The following CXXC5 variants were observed in gnomAD, a reference collection of about 807,000 sequenced individuals.
The protein encoded by CXXC5 is CXXC-type zinc finger protein 5.
A neutral mutation model predicts 17.6 loss-of-function variants in CXXC5; 2 were observed. The observed-to-expected ratio is 0.11, with a 90% confidence interval of 0.05 to 0.36. CXXC5 has a LOEUF of 0.36. Ranked by LOEUF, CXXC5 falls within the 10% of genes least tolerant of loss-of-function variation. CXXC5 has a pLI of 1.00. For missense variants in CXXC5, 343 were observed against 458.3 expected (o/e 0.75, Z 2.30); for synonymous variants, 171 against 193.0 (o/e 0.89, Z 0.94).
intron 1 of CXXC5, among the ~76,000 whole-genome samples, chr5:139,650,779 C>T (rs1396997348): frequency 6.6e-6 from 1 of 152,316 alleles, no homozygotes; most frequent in South Asian, 2.1e-4. Context: ...CCGAAGCCCC[C>T]TCTAAACCCC....
At chr5:139,682,797 T>C in intron 2 of CXXC5, 66 bp from the exon 3 acceptor site, 1 of 1,488,898 alleles carries the variant, frequency 6.7e-7, no homozygotes, top group Non-Finnish European at 9.1e-7. Flanking sequence ...GGGGAACGTC[T>C]TTGCTCCAGG....
chr5:139,657,456 G>A (rs1018300911), intron 1 of CXXC5, among the ~76,000 whole-genome samples: 1 of 152,232 alleles, frequency 6.6e-6, no homozygotes, highest in African/African-American at 2.4e-5. Flanking sequence ...AGGCTAGTTG[G>A]GCAGACAAAA....
intron 1 of CXXC5, among the ~76,000 whole-genome samples, chr5:139,671,362 G>T (rs1756458088): frequency 6.6e-6 from 1 of 152,180 alleles, no homozygotes; most frequent in Non-Finnish European, 1.5e-5. Flanking sequence ...AGGCCCCCAG[G>T]GTCTCTAGAG....
chr5:139,675,463 C>A (rs1319660102), intron 1 of CXXC5: 1 of 152,172 alleles, frequency 6.6e-6, no homozygotes, highest in Non-Finnish European at 1.5e-5. Context: ...CTGGGCATCT[C>A]CAAGTGCCCC....
chr5:139,680,493 T>G lies in CXXC5; in HGVS notation c.-31T>G. ...GACCCTCGGCAGTTGGCAGGCTCCCTCTGCAGTGGGGTCTGGGCCTCGGCC... is the reference window on the plus strand; with the variant it reads ...GACCCTCGGCAGTTGGCAGGCTCCCGCTGCAGTGGGGTCTGGGCCTCGGCC... On this transcript the variant is annotated 5_prime_UTR_variant, in exon 2 of 3. Transcript: ENST00000302517. 6.5e-7 allele frequency: 1 copy of G among 1,533,366 alleles called. No homozygotes were observed. The highest frequency in any genetic ancestry group is 8.8e-7 in the Non-Finnish European group (1 of 1,142,034). The allele number at this position is 1,533,366 out of a possible 1,614,324, so 95.0% of individuals were successfully genotyped here.
At chr5:139,677,276 C>G (rs969503894) in intron 1 of CXXC5, among the ~76,000 whole-genome samples, 2 of 152,086 alleles carry the variant, frequency 1.3e-5, no homozygotes, top group Non-Finnish European at 2.9e-5. Context: ...TCAACGCAGC[C>G]CTGACTCCTC....
rs1289123318 is a variant in CXXC5, at chr5:139,683,160, A to T, written c.*253A>T. ...GAACAACAACAAAAAAGAGGTAAAG[A>T]CGAATCTATAAAGTACCGAGACTTC... On this transcript the variant is annotated 3_prime_UTR_variant, in exon 3 of 3. Transcript: ENST00000302517. 2 of 359,336 alleles carry T rather than the reference A, an allele frequency of 5.6e-6. No individual in the cohort carries two copies. Among genetic ancestry groups the T allele is most frequent in the African/African-American group, 4.2e-5 (2 of 47,638 alleles). 22.3% of individuals were successfully genotyped at this position (359,336 alleles called of 1,614,324 possible). A position where few individuals can be genotyped will look rare whatever the true frequency, so the allele number is the denominator to read the frequency against.
Position 139,648,394 on chromosome 5 carries a change from C to T in CXXC5, c.-612C>T. The T allele has an allele frequency of 6.3e-6, 1 of 157,638 alleles. No homozygotes were observed. Among genetic ancestry groups the T allele is most frequent in the Non-Finnish European group, 1.4e-5 (1 of 72,024 alleles). The allele number at this position is 157,638 out of a possible 1,614,324, so 9.8% of individuals were successfully genotyped here. ...AGCCTGAGCGGGGATGTAGAGGCGG[C>T]GGCAGCAGAGGCGGCACTGGCGGCA... is the stretch of plus-strand genomic sequence containing the variant. On this transcript the variant is annotated 5_prime_UTR_variant, in exon 1 of 3. Transcript: ENST00000302517.
chr5:139,654,129 C>T (rs576198090), intron 1 of CXXC5, among the ~76,000 whole-genome samples: 2 of 152,286 alleles, frequency 1.3e-5, no homozygotes, highest in South Asian at 4.1e-4. Flanking sequence ...AGGCTCTGCC[C>T]CTCTCCCATC....
intron 1 of CXXC5, among the ~76,000 whole-genome samples, chr5:139,659,812 G>T (rs571317736): frequency 6.6e-6 from 1 of 152,242 alleles, no homozygotes; most frequent in African/African-American, 2.4e-5. Flanking sequence ...ATTGAGGCTG[G>T]TCCCTCCTGC....
Position 139,681,402 on chromosome 5 carries a change from C to A in CXXC5, c.879C>A (p.Phe293Leu). Residue 293 changes from phenylalanine (F) to leucine (L), a missense_variant, in exon 2 of 3, where the codon TTC (phenylalanine) becomes TTA (leucine). Coordinates refer to ENST00000302517, the MANE Select transcript of CXXC5 (RefSeq NM_016463.9). ...NRKTGHQICK[F>L]RKCEELKKKP... ...AGACTGGCCATCAGATTTGCAAATT[C>A]AGAAAATGTGAGGAACTCAAAAAGA... 5.7e-6 allele frequency: 9 copies of A among 1,588,484 alleles called. No homozygotes were observed. The highest frequency in any genetic ancestry group is 7.7e-6 in the Non-Finnish European group (9 of 1,164,382).
intron 1 of CXXC5, among the ~76,000 whole-genome samples, chr5:139,667,254 C>T (rs764718828): frequency 3.3e-5 from 5 of 152,196 alleles, no homozygotes; most frequent in African/African-American, 1.2e-4. Context: ...TTCCTCCTCC[C>T]ACCTCACCTC....
chr5:139,669,191 AGG>A (rs1208872531), intron 1 of CXXC5, among the ~76,000 whole-genome samples: 1 of 152,120 alleles, frequency 6.6e-6, no homozygotes, highest in Non-Finnish European at 1.5e-5. Context: ...AAGCAGTGGG[AGG>A]GGGAGCGCCA....
chr5:139,662,185 C>T (rs2126767910), intron 1 of CXXC5, among the ~76,000 whole-genome samples: 1 of 152,298 alleles, frequency 6.6e-6, no homozygotes, highest in African/African-American at 2.4e-5. Flanking sequence ...ACCTGCTTCT[C>T]CCTGTCCCCT....
intron 1 of CXXC5, among the ~76,000 whole-genome samples, chr5:139,654,840 CAG>C (rs1755400866): frequency 1.3e-5 from 2 of 152,152 alleles, no homozygotes; most frequent in Non-Finnish European, 2.9e-5. Context: ...GACACAGGCT[CAG>C]GGACAAGGGG....
intron 1 of CXXC5, among the ~76,000 whole-genome samples, chr5:139,673,832 C>T (rs1259809653): frequency 2.2e-5 from 3 of 138,340 alleles, no homozygotes; most frequent in Non-Finnish European, 4.6e-5. Context: ...CAGAGCAAGA[C>T]TCTTGTCAAA....
Position 139,673,030 on chromosome 5 carries a change from G to A in CXXC5, c.-160-7334G>A, listed in dbSNP as rs117816878. Among the ~76,000 whole-genome samples the A allele has an allele frequency of 1.7e-4, 26 of 152,276 alleles. No homozygotes were observed. The East Asian group carries it at 5.0e-3, about 29-fold the overall frequency. On this transcript the variant is annotated intron_variant, in intron 1 of 2. Coordinates refer to ENST00000302517, the MANE Select transcript of CXXC5 (RefSeq NM_016463.9). The stretch of plus-strand genomic sequence containing the variant: ...GGCCCATCAGTAGGGAGGTCCTGAG[G>A]GGGTACGTGGGCCTGATTTCTGATT...
At position 139,661,331 on chromosome 5, in the gene CXXC5, G is replaced by T. The variant is rs1019123408; in HGVS notation, c.-161+12486G>T. Among the ~76,000 whole-genome samples, 1 of 152,106 alleles carries T rather than the reference G, an allele frequency of 6.6e-6. No individual in the cohort carries two copies. The highest frequency in any genetic ancestry group is 1.5e-5 in the Non-Finnish European group (1 of 67,996). On this transcript the variant is annotated intron_variant, in intron 1 of 2. Coordinates refer to ENST00000302517, the MANE Select transcript of CXXC5 (RefSeq NM_016463.9). The surrounding 1 kb of genome is among the most constrained non-coding windows in gnomAD (Gnocchi z 4.7). ...CCTGGCAGTTAGAGTGCACACTCAC[G>T]CACCCCACACGCGGCACACCCAGGC...
intron 1 of CXXC5, among the ~76,000 whole-genome samples, chr5:139,656,524 G>T (rs74717066): frequency 1.3e-5 from 2 of 152,206 alleles, no homozygotes; most frequent in Non-Finnish European, 2.9e-5. Context: ...AGGCAGGGCC[G>T]TGCCTCCTGT....
Sources: gnomAD v4.1 joint callset for allele counts (sites outside exome capture counted in the v4.1 genomes callset) on GRCh38, gnomAD v4.1.1 for gene constraint, Gnocchi (gnomAD v3.1) non-coding constraint, MANE v1.5 for transcripts, NCBI Gene and HGNC (gene_info 2026-07-23, HGNC 2026-07-21) for gene names.